Variants in DENND2C observed in about 807,000 individuals in gnomAD.
The protein encoded by DENND2C is DENN domain-containing protein 2C.
In DENND2C, 72 loss-of-function variants were observed where a neutral mutation model predicts 112.4. The observed-to-expected ratio is 0.64, with a 90% CI of 0.53 to 0.78. The LOEUF (loss-of-function observed/expected upper bound fraction) is 0.78, where lower values mean the gene tolerates loss of function less well. Among genes scored for constraint, DENND2C ranks in the 30% least tolerant of loss-of-function variants. The pLI, the probability that DENND2C is intolerant of heterozygous loss-of-function variation, is 0.00. For synonymous variants in DENND2C, 329 were observed against 381.6 expected, an observed-to-expected ratio of 0.86 and a Z score of 1.61; for missense variants, 992 against 1,113.8, an observed-to-expected ratio of 0.89 and a Z score of 1.56.
At chr1:114,623,978 T>G (rs989243455) in intron 4 of DENND2C, among the ~76,000 whole-genome samples, 2 of 152,164 alleles carry the variant, frequency 1.3e-5, no homozygotes, top group Non-Finnish European at 2.9e-5. Context: ...TCAGGTGATC[T>G]GCCTGCCTCG....
intron 18 of DENND2C, among the ~76,000 whole-genome samples, chr1:114,588,952 T>G (rs900567978): frequency 6.6e-6 from 1 of 152,230 alleles, no homozygotes; most frequent in African/African-American, 2.4e-5. Flanking sequence ...ATTTGAGTGC[T>G]AAAGGTATGT....
At chr1:114,599,806 C>T (rs1166271785) in intron 15 of DENND2C, among the ~76,000 whole-genome samples, 4 of 152,054 alleles carry the variant, frequency 2.6e-5, no homozygotes, top group Non-Finnish European at 5.9e-5. Flanking sequence ...GATGATTTAC[C>T]ATTTAAAATT....
chr1:114,668,401 C>T (rs989111358), intron 1 of DENND2C, among the ~76,000 whole-genome samples: 2 of 152,154 alleles, frequency 1.3e-5, no homozygotes, highest in African/African-American at 4.8e-5. Context: ...TAACTTAAGA[C>T]TCACTACAGA....
intron 3 of DENND2C, among the ~76,000 whole-genome samples, chr1:114,638,794 A>G (rs998633717): frequency 2.0e-5 from 3 of 151,286 alleles, no homozygotes; most frequent in Non-Finnish European, 4.4e-5. Context: ...AAAAAGAAAA[A>G]AAAAGAAAGA....
At chr1:114,614,886 C>A (rs936120616) in intron 8 of DENND2C, among the ~76,000 whole-genome samples, 1 of 151,922 alleles carries the variant, frequency 6.6e-6, no homozygotes, top group African/African-American at 2.4e-5. Flanking sequence ...TGGTGACACA[C>A]GCCTGTAATC....
intron 17 of DENND2C, 49 bp from the exon 18 acceptor site, chr1:114,594,627 G>T: frequency 1.4e-6 from 2 of 1,473,958 alleles, no homozygotes; most frequent in Non-Finnish European, 9.4e-7. Flanking sequence ...AGATTTGAGG[G>T]ATTAAGTCTC....
chr1:114,583,114 G>A lies in DENND2C; in HGVS notation c.*2486C>T, dbSNP rs1557934515. 1.3e-5 allele frequency: 2 copies of A among 152,252 alleles called. No homozygotes were observed. Among genetic ancestry groups the A allele is most frequent in the East Asian group, 1.9e-4 (1 of 5,164 alleles). The allele number at this position is 152,252 out of a possible 1,614,324, so 9.4% of individuals were successfully genotyped here. On this transcript the variant is annotated 3_prime_UTR_variant, in exon 21 of 21. Transcript: ENST00000393274. ...ATCCAATTATTAACTGTTCCTGCTG[G>A]GTTGGAGTGTAAGAAGAGACCAAAT... is the stretch of plus-strand genomic sequence containing the variant.
chr1:114,599,229 T>C, intron 16 of DENND2C, 45 bp downstream of exon 16: 1 of 1,461,822 alleles, frequency 6.8e-7, no homozygotes, highest in Non-Finnish European at 9.3e-7. Context: ...TCACTTATTT[T>C]TACTTCTCAA....
chr1:114,602,049 T>C, intron 12 of DENND2C, 76 bp downstream of exon 12: 1 of 1,396,124 alleles, frequency 7.2e-7, no homozygotes, highest in Non-Finnish European at 1.0e-6. Flanking sequence ...CATCTAGAGA[T>C]AGTGTTTCTG....
chr1:114,587,274 TG>T, intron 20 of DENND2C, 112 bp downstream of exon 20: 3 of 1,163,506 alleles, frequency 2.6e-6, no homozygotes, highest in Non-Finnish European at 3.8e-6. Flanking sequence ...CTCAAACTCC[TG>T]GCCTCAAGCA....
chr1:114,622,925 T>C, intron 6 of DENND2C, 62 bp downstream of exon 6: 2 of 1,322,942 alleles, frequency 1.5e-6, no homozygotes, highest in Non-Finnish European at 2.1e-6. Context: ...ATCCCCTTAA[T>C]CTTTTTGTAG....
intron 8 of DENND2C, among the ~76,000 whole-genome samples, chr1:114,613,147 C>T (rs1005863513): frequency 6.6e-6 from 1 of 152,186 alleles, no homozygotes; most frequent in African/African-American, 2.4e-5. Flanking sequence ...AAACTGTCTA[C>T]TAGCTAAATA....
intron 8 of DENND2C, among the ~76,000 whole-genome samples, chr1:114,613,544 A>G (rs1316207636): frequency 6.6e-6 from 1 of 152,210 alleles, no homozygotes; most frequent in Non-Finnish European, 1.5e-5. Context: ...TGTGACTATA[A>G]AATATTATTC....
At chr1:114,626,237 T>C in intron 3 of DENND2C, 49 bp from the exon 4 acceptor site, 2 of 376,410 alleles carry the variant, frequency 5.3e-6, no homozygotes, top group South Asian at 9.2e-5. Context: ...AATTTCCTAA[T>C]TTAAAACTCC....
intron 8 of DENND2C, among the ~76,000 whole-genome samples, chr1:114,613,686 A>G (rs768158706): frequency 7.9e-5 from 12 of 152,162 alleles, no homozygotes; most frequent in Non-Finnish European, 1.3e-4. Flanking sequence ...ATATAACTGG[A>G]AAAGCCCTTA....
chr1:114,642,787 G>A (rs1415805645), intron 3 of DENND2C, among the ~76,000 whole-genome samples: 1 of 152,142 alleles, frequency 6.6e-6, no homozygotes, highest in East Asian at 1.9e-4. Flanking sequence ...TTAAATATCA[G>A]ATAAAGTAAA....
intron 3 of DENND2C, among the ~76,000 whole-genome samples, chr1:114,638,474 T>G (rs1308358592): frequency 6.6e-6 from 1 of 152,062 alleles, no homozygotes. Context: ...AAAAATTAAA[T>G]GGAGCTGGGT....
intron 8 of DENND2C, among the ~76,000 whole-genome samples, chr1:114,612,399 T>G (rs1417659664): frequency 6.6e-6 from 1 of 150,790 alleles, no homozygotes; most frequent in African/African-American, 2.4e-5. Context: ...CTGCACAGGC[T>G]ACAGTGCAGT....
chr1:114,595,560 G>A (rs1557939121), intron 17 of DENND2C: 1 of 318,048 alleles, frequency 3.1e-6, no homozygotes, highest in Non-Finnish European at 5.8e-6. Context: ...CTTATGTGTC[G>A]ACCCACCTGG....
Sources: gnomAD v4.1 joint callset for allele counts (sites outside exome capture counted in the v4.1 genomes callset) on GRCh38, gnomAD v4.1.1 for gene constraint, MANE v1.5 for transcripts, NCBI Gene and HGNC (gene_info 2026-07-23, HGNC 2026-07-21) for gene names.